Variants in C1orf21 observed in about 807,000 individuals in gnomAD.
The protein encoded by C1orf21 is chromosome 1 open reading frame 21.
Under a neutral mutation model 18.7 loss-of-function variants are expected in C1orf21, and 3 were observed. That is an observed-to-expected ratio of 0.16 (90% CI 0.07 to 0.42). The LOEUF is 0.42. Among genes scored for constraint, C1orf21 ranks in the 10% least tolerant of loss-of-function variants. The probability of loss-of-function intolerance (pLI) is 0.99; values close to 1 mark genes in which losing one functional copy is unlikely to be tolerated. For synonymous variants in C1orf21, 41 were observed against 46.4 expected (o/e 0.88, Z 0.47); for missense variants, 104 against 143.6 (o/e 0.72, Z 1.41).
At position 184,626,173 on chromosome 1, in the gene C1orf21, T is replaced by G. The variant is rs1660007045; in HGVS notation, c.*6617T>G. The G allele has an allele frequency of 6.6e-6, 1 of 152,166 alleles. No homozygotes were observed. The highest frequency in any genetic ancestry group is 1.5e-5 in the Non-Finnish European group (1 of 68,080). 9.4% of individuals were successfully genotyped at this position (152,166 alleles called of 1,614,324 possible). On this transcript the variant is annotated 3_prime_UTR_variant, in exon 6 of 6. Coordinates refer to ENST00000235307, the MANE Select transcript of C1orf21 (RefSeq NM_030806.4). ...AATTGCCAGCAAAGCACAACTGAACTAAATCCACCTTCAAGGAACCTAGCC... is the reference window on the plus strand; with the variant it reads ...AATTGCCAGCAAAGCACAACTGAACGAAATCCACCTTCAAGGAACCTAGCC...
chr1:184,416,485 A>G (rs1024628293), intron 1 of C1orf21, among the ~76,000 whole-genome samples: 2 of 152,134 alleles, frequency 1.3e-5, no homozygotes, highest in Admixed American at 6.6e-5. Context: ...GTGATTTTTT[A>G]TACTAATCCC....
At chr1:184,528,856 A>G (rs572212366) in intron 3 of C1orf21, among the ~76,000 whole-genome samples, 2 of 152,306 alleles carry the variant, frequency 1.3e-5, no homozygotes, top group Non-Finnish European at 2.9e-5. Flanking sequence ...TATATATTAC[A>G]TAATACTTCT....
chr1:184,592,809 G>A (rs1028961416), intron 4 of C1orf21, among the ~76,000 whole-genome samples: 3 of 152,110 alleles, frequency 2.0e-5, no homozygotes, highest in Non-Finnish European at 4.4e-5. Flanking sequence ...TGGCCACTGT[G>A]GTGTCGCAGT....
intron 1 of C1orf21, among the ~76,000 whole-genome samples, chr1:184,451,061 A>G (rs1320378975): frequency 6.6e-6 from 1 of 152,174 alleles, no homozygotes; most frequent in African/African-American, 2.4e-5. Flanking sequence ...TATTTTTAGT[A>G]GAGACGGCAT....
At chr1:184,433,141 C>T (rs1026106731) in intron 1 of C1orf21, among the ~76,000 whole-genome samples, 1 of 152,162 alleles carries the variant, frequency 6.6e-6, no homozygotes, top group African/African-American at 2.4e-5. Context: ...AGTGGTGTAG[C>T]AGGTCTGGCA....
intron 3 of C1orf21, chr1:184,540,140 G>C (rs1169656748): frequency 6.6e-6 from 1 of 152,186 alleles, no homozygotes; most frequent in Non-Finnish European, 1.5e-5. Flanking sequence ...ATTAAATAAA[G>C]ATCCATTATT....
At chr1:184,486,661 A>G (rs780314646) in intron 2 of C1orf21, among the ~76,000 whole-genome samples, 3 of 152,212 alleles carry the variant, frequency 2.0e-5, no homozygotes, top group South Asian at 2.1e-4. Flanking sequence ...AACGTTTTCT[A>G]TGACAGAAAG....
intron 3 of C1orf21, among the ~76,000 whole-genome samples, chr1:184,579,010 AAAAAG>A (rs1659234194): frequency 6.6e-6 from 1 of 151,260 alleles, no homozygotes; most frequent in African/African-American, 2.4e-5. Context: ...AAAAAAAAAA[AAAAAG>A]AACTGAGCGT....
chr1:184,577,977 A>G lies in C1orf21; in HGVS notation c.190-12762A>G, dbSNP rs552144693. Among the ~76,000 whole-genome samples the G allele has an allele frequency of 9.5e-3, 1,228 of 129,222 alleles. 12 individuals are homozygous for G. The highest frequency in any genetic ancestry group is 0.013 in the Admixed American group (160 of 11,894). The allele number at this position is 129,222 out of a possible 152,430, so 84.8% of individuals were successfully genotyped here. ...TGTTTTTTTTTTTTTTTTTTGAGAC[A>G]GAGTCTCACACTGTCGCCCAGGCTG... On this transcript the variant is annotated intron_variant, in intron 3 of 5. Transcript: ENST00000235307.
intron 3 of C1orf21, among the ~76,000 whole-genome samples, chr1:184,582,994 A>G (rs1326993320): frequency 6.6e-6 from 1 of 152,018 alleles, no homozygotes; most frequent in Non-Finnish European, 1.5e-5. Context: ...ACACGTCACC[A>G]TGCCTGGCTA....
intron 1 of C1orf21, among the ~76,000 whole-genome samples, chr1:184,400,218 T>G (rs1204068335): frequency 6.6e-6 from 1 of 152,182 alleles, no homozygotes; most frequent in East Asian, 1.9e-4. Context: ...TATTTCAGAT[T>G]TGTTTTGTAC....
At chr1:184,502,915 A>G (rs957960222) in intron 2 of C1orf21, among the ~76,000 whole-genome samples, 13 of 151,418 alleles carry the variant, frequency 8.6e-5, no homozygotes, top group African/African-American at 3.2e-4. Flanking sequence ...CTGCCTCTAC[A>G]AAAAATACAA....
chr1:184,598,735 G>A (rs1001529472), intron 5 of C1orf21, among the ~76,000 whole-genome samples: 2 of 152,088 alleles, frequency 1.3e-5, no homozygotes, highest in East Asian at 3.9e-4. Context: ...TCTAGACCGA[G>A]CATTCTGACC....
At chr1:184,607,786 T>C (rs967268501) in intron 5 of C1orf21, among the ~76,000 whole-genome samples, 5 of 151,684 alleles carry the variant, frequency 3.3e-5, no homozygotes, top group African/African-American at 1.2e-4. Context: ...GTCACAATTA[T>C]AGATTTCAAA....
At position 184,590,830 on chromosome 1, in the gene C1orf21, C is replaced by T; in HGVS notation, c.266+15C>T. 1 of 1,606,312 alleles carries T rather than the reference C, an allele frequency of 6.2e-7. No individual in the cohort carries two copies. Among genetic ancestry groups the T allele is most frequent in the Non-Finnish European group, 8.5e-7 (1 of 1,173,130 alleles). On this transcript the variant is annotated intron_variant, in intron 4 of 5. Coordinates refer to ENST00000235307, the MANE Select transcript of C1orf21 (RefSeq NM_030806.4). ...CCCAGAGCAAAGTAAGTTCTAGTTTCTGTTTTCCTTATATAGTCGGCCTTC... is the reference window on the plus strand; with the variant it reads ...CCCAGAGCAAAGTAAGTTCTAGTTTTTGTTTTCCTTATATAGTCGGCCTTC...
chr1:184,502,591 G>A (rs938841095), intron 2 of C1orf21, among the ~76,000 whole-genome samples: 7 of 151,876 alleles, frequency 4.6e-5, no homozygotes, highest in African/African-American at 1.7e-4. Context: ...AGGCATATGA[G>A]AATTGCTGTC....
chr1:184,528,676 C>T (rs1385958491), intron 3 of C1orf21, among the ~76,000 whole-genome samples: 2 of 152,096 alleles, frequency 1.3e-5, no homozygotes, highest in Non-Finnish European at 1.5e-5. Flanking sequence ...AACTCCTGAC[C>T]TCAGGTGATC....
chr1:184,387,421 C>G lies in C1orf21; in HGVS notation c.-125+53C>G, dbSNP rs1655903866. On this transcript the variant is annotated intron_variant, in intron 1 of 5. Transcript: ENST00000235307. The surrounding 1 kb of genome is among the most constrained non-coding windows in gnomAD (Gnocchi z 5.6). ...GGCGGGGGGAGCTGGCGGTGCAGCC[C>G]GCCCCGGCTCGGCTACCCGGGCATC... 1.3e-5 allele frequency: 2 copies of G among 152,252 alleles called. No individual in the cohort carries two copies. The highest frequency in any genetic ancestry group is 4.8e-5 in the African/African-American group (2 of 41,414). 9.4% of individuals were successfully genotyped at this position (152,252 alleles called of 1,614,324 possible).
At chr1:184,513,051 G>A (rs1467138625) in intron 3 of C1orf21, among the ~76,000 whole-genome samples, 2 of 152,198 alleles carry the variant, frequency 1.3e-5, no homozygotes, top group Non-Finnish European at 2.9e-5. Context: ...ACTAATGTCT[G>A]ATGATCTGGG....
Sources: gnomAD v4.1 joint callset for allele counts (sites outside exome capture counted in the v4.1 genomes callset) on GRCh38, gnomAD v4.1.1 for gene constraint, Gnocchi (gnomAD v3.1) non-coding constraint, MANE v1.5 for transcripts, NCBI Gene and HGNC (gene_info 2026-07-23, HGNC 2026-07-21) for gene names.